The following TMEM132D variants were observed in gnomAD, a reference collection of about 807,000 sequenced individuals.
TMEM132D encodes transmembrane protein 132D.
TMEM132D carries 21 observed loss-of-function variants against 62.3 expected under a neutral mutation model. The ratio of observed to expected loss-of-function variants is 0.34; its 90% CI spans 0.24 to 0.49. The LOEUF is 0.49. TMEM132D is among the 20% of genes least tolerant of loss of function. TMEM132D has a pLI of 0.99. For synonymous variants in TMEM132D, 621 were observed against 575.6 expected (o/e 1.08, Z -1.13); for missense variants, 1,346 against 1,402.8 (o/e 0.96, Z 0.65).
rs1248053499 is a variant in TMEM132D at position 129,903,111 on chromosome 12, T to TCA, written c.79+148_79+149dup. The TCA allele has an allele frequency of 1.2e-6, 1 of 864,530 alleles. No individual in the cohort carries two copies. The highest frequency in any genetic ancestry group is 1.8e-6 in the Non-Finnish European group (1 of 558,392). 53.6% of individuals were successfully genotyped at this position (864,530 alleles called of 1,614,324 possible). ...GCTTGGCTGCCGCACGAGCGCACGT[T>TCA]CACACGCGCGCACACACACATGCAC... is the stretch of plus-strand genomic sequence containing the variant. On this transcript the variant is annotated intron_variant, in intron 1 of 8. Transcript: ENST00000422113. The surrounding 1 kb of genome is among the most constrained non-coding windows in gnomAD (Gnocchi z 6.2).
intron 3 of TMEM132D, among the ~76,000 whole-genome samples, chr12:129,427,307 G>A (rs925100290): frequency 2.0e-5 from 3 of 151,268 alleles, no homozygotes; most frequent in Admixed American, 6.6e-5. Flanking sequence ...TGCTAAGGAC[G>A]CATCAAGAAA....
At chr12:129,365,936 T>C (rs1270109339) in intron 3 of TMEM132D, among the ~76,000 whole-genome samples, 1 of 152,030 alleles carries the variant, frequency 6.6e-6, no homozygotes, top group Non-Finnish European at 1.5e-5. Flanking sequence ...CACCCAGCAC[T>C]GTCCACCCGC....
chr12:129,436,264 A>C (rs1484496693), intron 3 of TMEM132D, among the ~76,000 whole-genome samples: 1 of 152,178 alleles, frequency 6.6e-6, no homozygotes, highest in Non-Finnish European at 1.5e-5. Flanking sequence ...TTCCTACGAG[A>C]GAATAGTATT....
At chr12:129,673,015 T>G (rs1294283869) in intron 2 of TMEM132D, among the ~76,000 whole-genome samples, 1 of 152,230 alleles carries the variant, frequency 6.6e-6, no homozygotes, top group Non-Finnish European at 1.5e-5. Flanking sequence ...CCCAAAGTGC[T>G]GGGATTACAG....
chr12:129,263,611 A>G (rs907199039), intron 4 of TMEM132D, among the ~76,000 whole-genome samples: 2 of 152,092 alleles, frequency 1.3e-5, no homozygotes, highest in South Asian at 2.1e-4. Flanking sequence ...TCTAAATCGC[A>G]TCTTGAAGGA....
intron 5 of TMEM132D, among the ~76,000 whole-genome samples, chr12:129,152,785 C>T (rs890659495): frequency 3.3e-5 from 5 of 152,208 alleles, no homozygotes; most frequent in African/African-American, 4.8e-5. Context: ...TCCCCTGCTC[C>T]GCTCTGAATC....
intron 5 of TMEM132D, among the ~76,000 whole-genome samples, chr12:129,166,026 G>C (rs1216840273): frequency 2.0e-5 from 3 of 152,086 alleles, no homozygotes; most frequent in African/African-American, 7.2e-5. Context: ...TATTATTATC[G>C]CTGTTTTGTG....
rs534323249 is a variant in TMEM132D, at chr12:129,152,193, A to T, written c.1443+57327T>A. Among the ~76,000 whole-genome samples, 7 of 152,164 alleles carry T rather than the reference A, an allele frequency of 4.6e-5. No homozygotes were observed. The South Asian group carries it at 1.5e-3, about 32-fold the overall frequency. ...TGGCCTTCAATGTAGTTTTAAATCA[A>T]CTCACCTAAAACAAGCAACCAAGAG... On this transcript the variant is annotated intron_variant, in intron 5 of 8. Transcript: ENST00000422113.
chr12:129,383,615 T>A (rs1316762728), intron 3 of TMEM132D, among the ~76,000 whole-genome samples: 1 of 152,064 alleles, frequency 6.6e-6, no homozygotes, highest in Non-Finnish European at 1.5e-5. Flanking sequence ...ATTTTTGTAT[T>A]TTTAGTAGAG....
intron 1 of TMEM132D, among the ~76,000 whole-genome samples, chr12:129,731,614 G>T (rs1486412282): frequency 6.6e-6 from 1 of 152,152 alleles, no homozygotes; most frequent in African/African-American, 2.4e-5. Flanking sequence ...TACTGAAGGT[G>T]CAGTGGGCCG....
At chr12:129,096,595 A>G (rs1326436440) in intron 5 of TMEM132D, among the ~76,000 whole-genome samples, 1 of 152,186 alleles carries the variant, frequency 6.6e-6, no homozygotes, top group African/African-American at 2.4e-5. Flanking sequence ...AGGGACCCCA[A>G]GGAGTTAAGC....
chr12:129,242,307 T>C (rs1226379540), intron 4 of TMEM132D, among the ~76,000 whole-genome samples: 1 of 152,242 alleles, frequency 6.6e-6, no homozygotes, highest in East Asian at 1.9e-4. Flanking sequence ...GCATATTATT[T>C]TGACATTTAT....
intron 1 of TMEM132D, among the ~76,000 whole-genome samples, chr12:129,808,438 G>A (rs1872066061): frequency 6.6e-6 from 1 of 152,204 alleles, no homozygotes; most frequent in East Asian, 1.9e-4. Flanking sequence ...AGGAAGCAGG[G>A]GTTGCTACAG....
At chr12:129,130,622 A>G (rs1020444141) in intron 5 of TMEM132D, among the ~76,000 whole-genome samples, 5 of 152,218 alleles carry the variant, frequency 3.3e-5, no homozygotes, top group Non-Finnish European at 4.4e-5. Flanking sequence ...GACAATAACC[A>G]GAGACCAACA....
intron 2 of TMEM132D, among the ~76,000 whole-genome samples, chr12:129,544,175 C>A (rs897024623): frequency 4.6e-5 from 7 of 152,166 alleles, no homozygotes; most frequent in Middle Eastern, 3.2e-3. Flanking sequence ...TTCATTAAGT[C>A]TGAGTGGTAT....
rs756955921 is a variant in TMEM132D, at chr12:129,084,689, CA to C, written c.1456del (p.Cys486ValfsTer11). The C allele has an allele frequency of 1.2e-6, 2 of 1,613,978 alleles. No homozygotes were observed. On this transcript the variant is annotated frameshift_variant, in exon 6 of 9. Coordinates refer to ENST00000422113, the MANE Select transcript of TMEM132D (RefSeq NM_133448.3). LOFTEE classifies it high-confidence loss of function. The part of the protein sequence containing the change: ...DEDVIKVSDR[C>X]DYVFVNGKEM... ...TTTCCCATTGACAAAGACGTAGTCACATCTGTCAGAAACCTGTGAAGAGGTG... is the reference window on the plus strand; with the variant it reads ...TTTCCCATTGACAAAGACGTAGTCACTCTGTCAGAAACCTGTGAAGAGGTG...
intron 4 of TMEM132D, among the ~76,000 whole-genome samples, chr12:129,238,153 A>G (rs533147413): frequency 6.6e-6 from 1 of 152,200 alleles, no homozygotes; most frequent in African/African-American, 2.4e-5. Flanking sequence ...GATGGTGGCG[A>G]TAATGGGCAC....
At chr12:129,584,554 C>T (rs1200179230) in intron 2 of TMEM132D, among the ~76,000 whole-genome samples, 5 of 152,174 alleles carry the variant, frequency 3.3e-5, no homozygotes, top group Admixed American at 2.0e-4. Flanking sequence ...AAGCATGAAG[C>T]AAGCCACCCG....
intron 4 of TMEM132D, among the ~76,000 whole-genome samples, chr12:129,300,403 C>T (rs192282154): frequency 8.5e-5 from 13 of 152,330 alleles, no homozygotes; most frequent in East Asian, 5.8e-4. Context: ...AGAAATGTGA[C>T]GATGAATATC....
Sources: allele counts gnomAD v4.1 joint callset (sites outside exome capture counted in the v4.1 genomes callset), GRCh38; gene constraint gnomAD v4.1.1; non-coding constraint Gnocchi (gnomAD v3.1); transcripts MANE v1.5; gene names NCBI Gene and HGNC (gene_info 2026-07-23, HGNC 2026-07-21).